Variants in LYPD6B observed in about 807,000 individuals in gnomAD.
The protein encoded by LYPD6B is ly6/PLAUR domain-containing protein 6B.
LYPD6B carries 17 observed loss-of-function variants against 22.8 expected under a neutral mutation model. The observed-to-expected ratio is 0.75, with a 90% CI of 0.51 to 1.12. The LOEUF is 1.12. Ranked by LOEUF, LYPD6B falls within the 50% of genes most tolerant of loss-of-function variation. The probability of loss-of-function intolerance (pLI) is 0.00; values close to 1 mark genes in which losing one functional copy is unlikely to be tolerated. For synonymous variants in LYPD6B, 106 were observed against 91.6 expected (o/e 1.16, Z -0.90); for missense variants, 221 against 258.3 (o/e 0.86, Z 0.99).
intron 1 of LYPD6B, among the ~76,000 whole-genome samples, chr2:149,052,360 A>G (rs962361030): frequency 2.0e-5 from 3 of 152,120 alleles, no homozygotes; most frequent in Admixed American, 1.3e-4. Context: ...TTCCAGGATT[A>G]TTATTTTTTA....
chr2:149,089,354 T>C (rs1685540960), intron 1 of LYPD6B, among the ~76,000 whole-genome samples: 1 of 152,186 alleles, frequency 6.6e-6, no homozygotes, highest in South Asian at 2.1e-4. Context: ...TGCTTCTGGA[T>C]GCAGTGGGAA....
intron 1 of LYPD6B, among the ~76,000 whole-genome samples, chr2:149,123,870 C>T (rs1170584132): frequency 6.6e-6 from 1 of 152,174 alleles, no homozygotes; most frequent in East Asian, 1.9e-4. Flanking sequence ...TAAATACATA[C>T]ATAAATAATA....
chr2:149,170,291 G>C (rs1291874635), intron 3 of LYPD6B, among the ~76,000 whole-genome samples: 1 of 152,112 alleles, frequency 6.6e-6, no homozygotes, highest in Non-Finnish European at 1.5e-5. Flanking sequence ...CTTTTTTCAG[G>C]CCTTGTTCTT....
At chr2:149,160,080 A>G (rs1689962242) in intron 2 of LYPD6B, among the ~76,000 whole-genome samples, 1 of 152,040 alleles carries the variant, frequency 6.6e-6, no homozygotes, top group Non-Finnish European at 1.5e-5. Context: ...CTTGAGCCCA[A>G]GAATTTGAGA....
intron 1 of LYPD6B, among the ~76,000 whole-genome samples, chr2:149,113,564 G>A (rs1307661942): frequency 6.6e-6 from 1 of 152,162 alleles, no homozygotes; most frequent in Admixed American, 6.5e-5. Context: ...ACAATATTAA[G>A]TGAAATACAT....
At chr2:149,138,968 C>T (rs773811803) in intron 2 of LYPD6B, among the ~76,000 whole-genome samples, 2 of 152,244 alleles carry the variant, frequency 1.3e-5, no homozygotes, top group Admixed American at 6.5e-5. Flanking sequence ...ATGAAAACTA[C>T]GTGAACTGGT....
intron 5 of LYPD6B, among the ~76,000 whole-genome samples, chr2:149,209,976 C>A (rs1693743538): frequency 6.6e-6 from 1 of 152,128 alleles, no homozygotes; most frequent in South Asian, 2.1e-4. Context: ...CTTCTCTTTA[C>A]TAATTTATTT....
rs575881556 is a variant in LYPD6B, at chr2:149,062,030, G to C, written c.-67+23229G>C. On this transcript the variant is annotated intron_variant, in intron 1 of 6. Coordinates refer to ENST00000409642, the MANE Select transcript of LYPD6B (RefSeq NM_177964.5). ...TGCTGCCCAGGCTGGAGTAAAAATG[G>C]CGCAATCCCAGCTCTGCGCCATCTC... Among the ~76,000 whole-genome samples, 4 of 151,504 alleles carry C rather than the reference G, an allele frequency of 2.6e-5. No homozygotes were observed. The East Asian group carries it at 7.8e-4, about 29-fold the overall frequency.
chr2:149,066,386 G>C (rs11693578), intron 1 of LYPD6B, among the ~76,000 whole-genome samples: 110,915 of 148,638 alleles, frequency 0.75, 41,480 homozygotes, highest in East Asian at 0.9. Flanking sequence ...TCCATGTGTT[G>C]TCACTGTTCA....
chr2:149,131,141 A>G, intron 2 of LYPD6B, 188 bp downstream of exon 2: 1 of 504,398 alleles, frequency 2.0e-6, no homozygotes, highest in Non-Finnish European at 3.5e-6. Context: ...TCCCCTAATC[A>G]TATTGACTTT....
chr2:149,184,012 G>A (rs1009160785), intron 3 of LYPD6B, among the ~76,000 whole-genome samples: 3 of 152,038 alleles, frequency 2.0e-5, no homozygotes, highest in Admixed American at 2.0e-4. Flanking sequence ...GACTAACATG[G>A]AGAAACTCCA....
intron 2 of LYPD6B, among the ~76,000 whole-genome samples, chr2:149,156,292 G>C (rs1312861868): frequency 6.6e-6 from 1 of 152,168 alleles, no homozygotes; most frequent in East Asian, 1.9e-4. Context: ...TGGATTTAGA[G>C]ATTACCCTGC....
intron 2 of LYPD6B, among the ~76,000 whole-genome samples, chr2:149,159,290 A>G (rs1056586243): frequency 6.6e-6 from 1 of 152,148 alleles, no homozygotes; most frequent in African/African-American, 2.4e-5. Context: ...AACACTCTTG[A>G]GGAGTATGTG....
intron 1 of LYPD6B, among the ~76,000 whole-genome samples, chr2:149,129,019 G>A (rs1330001401): frequency 1.3e-5 from 2 of 152,200 alleles, no homozygotes; most frequent in Non-Finnish European, 2.9e-5. Flanking sequence ...AAAATGATGA[G>A]TAACCCGTGA....
chr2:149,175,171 C>T (rs931714667), intron 3 of LYPD6B, among the ~76,000 whole-genome samples: 1 of 151,760 alleles, frequency 6.6e-6, no homozygotes, highest in Non-Finnish European at 1.5e-5. Flanking sequence ...TCATAGAGTG[C>T]ACTCACACAA....
At chr2:149,092,730 A>G (rs10930135) in intron 1 of LYPD6B, among the ~76,000 whole-genome samples, 95,275 of 152,030 alleles carry the variant, frequency 0.63, 30,019 homozygotes, top group Admixed American at 0.68. Context: ...CAATATGTTT[A>G]TGCTCTCTTG....
At chr2:149,042,892 T>C (rs955138524) in intron 1 of LYPD6B, among the ~76,000 whole-genome samples, 1 of 152,220 alleles carries the variant, frequency 6.6e-6, no homozygotes, top group Admixed American at 6.5e-5. Flanking sequence ...CAGTTAAATG[T>C]TAAATAACTC....
chr2:149,153,168 G>A (rs1334353423), intron 2 of LYPD6B, among the ~76,000 whole-genome samples: 2 of 152,184 alleles, frequency 1.3e-5, no homozygotes, highest in Non-Finnish European at 2.9e-5. Flanking sequence ...CAAGGCACAC[G>A]GGTTGAGATA....
At chr2:149,046,337 TC>T (rs1175429206) in intron 1 of LYPD6B, among the ~76,000 whole-genome samples, 1 of 152,156 alleles carries the variant, frequency 6.6e-6, no homozygotes, top group Non-Finnish European at 1.5e-5. Flanking sequence ...TATACTTGAG[TC>T]TTATTTTTTC....
Sources: gnomAD v4.1 joint callset for allele counts (sites outside exome capture counted in the v4.1 genomes callset) on GRCh38, gnomAD v4.1.1 for gene constraint, MANE v1.5 for transcripts, NCBI Gene and HGNC (gene_info 2026-07-23, HGNC 2026-07-21) for gene names.